STPG2: variants seen among roughly 807,000 people sequenced by gnomAD.
The protein encoded by STPG2 is sperm-tail PG-rich repeat-containing protein 2.
Under a neutral mutation model 54.2 loss-of-function variants are expected in STPG2, and 56 were observed. The ratio of observed to expected loss-of-function variants is 1.03; its 90% CI spans 0.83 to 1.29. The LOEUF (loss-of-function observed/expected upper bound fraction) is 1.29. Among genes scored for constraint, STPG2 ranks in the 50% most tolerant of loss-of-function variants. The pLI is 0.00. For missense variants in STPG2, 596 were observed against 544.9 expected (o/e 1.09, Z -0.93); for synonymous variants, 200 against 181.8 (o/e 1.10, Z -0.81).
chr4:97,717,144 T>C (rs1049812682), intron 9 of STPG2, among the ~76,000 whole-genome samples: 5 of 152,236 alleles, frequency 3.3e-5, no homozygotes, highest in South Asian at 2.1e-4. Context: ...CAGATGACCA[T>C]AGAACTGCAC....
At chr4:97,533,363 A>G (rs1000143022) in intron 4 of STPG2, among the ~76,000 whole-genome samples, 17 of 152,222 alleles carry the variant, frequency 1.1e-4, no homozygotes, top group African/African-American at 4.1e-4. Flanking sequence ...TTATGGAATG[A>G]ATTTTTTTAA....
intron 10 of STPG2, among the ~76,000 whole-genome samples, chr4:97,600,415 A>G (rs1257445341): frequency 6.6e-6 from 1 of 152,240 alleles, no homozygotes. Flanking sequence ...TAAAATAAGC[A>G]TACATATAGT....
intron 10 of STPG2, among the ~76,000 whole-genome samples, chr4:97,700,805 T>C (rs1472787409): frequency 6.6e-6 from 1 of 152,244 alleles, no homozygotes; most frequent in Non-Finnish European, 1.5e-5. Flanking sequence ...TTGCTTCTGA[T>C]GGGCCTTATG....
chr4:97,958,804 A>G (rs1226714230), intron 7 of STPG2, among the ~76,000 whole-genome samples: 1 of 152,228 alleles, frequency 6.6e-6, no homozygotes, highest in Admixed American at 6.5e-5. Flanking sequence ...GCACAGCACT[A>G]GACAGGTCAT....
chr4:97,875,528 GT>G (rs1177759494), intron 8 of STPG2, among the ~76,000 whole-genome samples: 1 of 151,726 alleles, frequency 6.6e-6, no homozygotes, highest in Non-Finnish European at 1.5e-5. Flanking sequence ...TAAAAAACAA[GT>G]TATTTTCCAC....
intron 8 of STPG2, among the ~76,000 whole-genome samples, chr4:97,871,624 AT>A (rs1326838653): frequency 6.6e-6 from 1 of 151,226 alleles, no homozygotes; most frequent in Non-Finnish European, 1.5e-5. Context: ...AAGCTAAAAA[AT>A]GTCAAATTTT....
chr4:97,820,931 C>T (rs1043132022), intron 9 of STPG2, among the ~76,000 whole-genome samples: 6 of 152,262 alleles, frequency 3.9e-5, no homozygotes, highest in Admixed American at 2.0e-4. Flanking sequence ...TTGGAGGGTA[C>T]ATCCAAACTA....
chr4:97,735,363 T>G (rs1216031053), intron 9 of STPG2, among the ~76,000 whole-genome samples: 1 of 151,106 alleles, frequency 6.6e-6, no homozygotes. Context: ...GTATGCAAAG[T>G]CAAATAGAGT....
intron 10 of STPG2, among the ~76,000 whole-genome samples, chr4:97,676,711 C>T (rs1722863238): frequency 6.6e-6 from 1 of 152,096 alleles, no homozygotes; most frequent in Admixed American, 6.6e-5. Flanking sequence ...CTTTCCAGAC[C>T]TCAGTGCCTC....
chr4:97,564,783 G>T (rs1732377758), intron 10 of STPG2, among the ~76,000 whole-genome samples: 1 of 152,176 alleles, frequency 6.6e-6, no homozygotes, highest in South Asian at 2.1e-4. Context: ...CTGGCTTGTA[G>T]AGTTTCTGCC....
chr4:97,534,611 T>C (rs758804336), intron 4 of STPG2, among the ~76,000 whole-genome samples: 4 of 152,206 alleles, frequency 2.6e-5, no homozygotes, highest in Non-Finnish European at 5.9e-5. Context: ...TGTTCTCTTT[T>C]TAAAATTTTC....
chr4:97,462,699 C>T (rs763259847), intron 4 of STPG2, among the ~76,000 whole-genome samples: 2 of 151,716 alleles, frequency 1.3e-5, no homozygotes, highest in African/African-American at 2.4e-5. Flanking sequence ...TAATTTGTTG[C>T]TGATAGCTAT....
At chr4:97,756,102 T>A (rs1352993095) in intron 9 of STPG2, among the ~76,000 whole-genome samples, 1 of 152,136 alleles carries the variant, frequency 6.6e-6, no homozygotes, top group Non-Finnish European at 1.5e-5. Context: ...TGTTTTCCTC[T>A]CTTTCTCTTG....
At chr4:97,672,896 G>A (rs531530929) in intron 10 of STPG2, among the ~76,000 whole-genome samples, 4 of 152,278 alleles carry the variant, frequency 2.6e-5, no homozygotes, top group Non-Finnish European at 5.9e-5. Flanking sequence ...TTCTTTCTAT[G>A]TGCTGTTTTT....
At chr4:97,639,094 C>A (rs1040704610) in intron 10 of STPG2, among the ~76,000 whole-genome samples, 1 of 151,874 alleles carries the variant, frequency 6.6e-6, no homozygotes, top group Non-Finnish European at 1.5e-5. Flanking sequence ...TGGAACCAAC[C>A]CAAATGTCCA....
At position 97,482,064 on chromosome 4, in the gene STPG2, TG is replaced by T. The variant is rs1730235954; in HGVS notation, c.462+230634del. Among the ~76,000 whole-genome samples the T allele has an allele frequency of 3.3e-5, 5 of 151,512 alleles. No homozygotes were observed. In the South Asian group the frequency reaches 1.0e-3, roughly 31 times the overall value. On this transcript the variant is annotated intron_variant, in intron 4 of 4. Coordinates refer to the STPG2 transcript ENST00000522676. ...TTATCATAAGTGTATTTAAATTTGT[TG>T]GTCTTTTTGGTATCTTTTAAGATAA...
At chr4:97,968,917 T>C (rs947336535) in intron 7 of STPG2, among the ~76,000 whole-genome samples, 7 of 152,186 alleles carry the variant, frequency 4.6e-5, no homozygotes, top group Non-Finnish European at 8.8e-5. Flanking sequence ...TGAACGGATG[T>C]GCAGTCAGGG....
rs187738399 is a variant in STPG2 at position 97,499,069 on chromosome 4, C to T, written c.462+213630G>A. ...TGAACCTAACTGAGGGAGTGACTCA[C>T]GAGCCCTAGGAAAATCAGGATAAGT... On this transcript the variant is annotated intron_variant, in intron 4 of 4. Coordinates refer to the STPG2 transcript ENST00000522676. 6.2e-3 allele frequency among the ~76,000 whole-genome samples: 936 copies of T among 151,922 alleles called. 5 individuals are homozygous for T. Among genetic ancestry groups the T allele is most frequent in the South Asian group, 0.02 (98 of 4,816 alleles).
chr4:97,878,404 G>T (rs1730253413), intron 8 of STPG2, among the ~76,000 whole-genome samples: 1 of 152,188 alleles, frequency 6.6e-6, no homozygotes, highest in Admixed American at 6.5e-5. Context: ...GCAAACTCTT[G>T]CCTGGACATT....
Sources: gnomAD v4.1 joint callset for allele counts (sites outside exome capture counted in the v4.1 genomes callset) on GRCh38, gnomAD v4.1.1 for gene constraint, MANE v1.5 for transcripts, NCBI Gene and HGNC (gene_info 2026-07-23, HGNC 2026-07-21) for gene names.